The following GLIS3 variants were observed in gnomAD, a reference collection of about 807,000 sequenced individuals.
The protein encoded by GLIS3 is GLIS family zinc finger 3.
Under a neutral mutation model 78.6 loss-of-function variants are expected in GLIS3, and 53 were observed. That is an observed-to-expected ratio of 0.67 (90% CI 0.54 to 0.85). The LOEUF (loss-of-function observed/expected upper bound fraction) is 0.85, where lower values mean the gene tolerates loss of function less well. Among genes scored for constraint, GLIS3 ranks in the 40% least tolerant of loss-of-function variants. GLIS3 has a pLI of 0.00. For missense variants in GLIS3, 1,703 were observed against 1,231.1 expected (o/e 1.38, Z -5.74); for synonymous variants, 684 against 509.9 (o/e 1.34, Z -4.60).
chr9:4,204,948 T>C (rs1586970674), intron 2 of GLIS3, among the ~76,000 whole-genome samples: 1 of 150,080 alleles, frequency 6.7e-6, no homozygotes, highest in Non-Finnish European at 1.5e-5. Context: ...GAGGCCGAGG[T>C]GGGCAAATCA....
At chr9:4,478,295 T>C in the GLIS3 span, among the ~76,000 whole-genome samples, 1 of 152,124 alleles carries the variant, frequency 6.6e-6, no homozygotes, top group African/African-American at 2.4e-5. Context: ...TATAAATCCA[T>C]GTGTTTGTAC....
At chr9:4,185,924 TG>T (rs1269041499) in intron 2 of GLIS3, among the ~76,000 whole-genome samples, 47 of 152,006 alleles carry the variant, frequency 3.1e-4, no homozygotes, top group Admixed American at 2.6e-3. Context: ...AGGTGGAAAA[TG>T]GAAGGACAGT....
chr9:3,850,920 T>C lies in GLIS3; in HGVS notation c.2473+5089A>G, dbSNP rs149179692. ...TTATCTTCAAAACCCTCTTCAAGTA[T>C]CACTTCTACAGACCCTTCTTTGACA... On this transcript the variant is annotated intron_variant, in intron 9 of 10. Coordinates refer to ENST00000381971, the MANE Select transcript of GLIS3 (RefSeq NM_001042413.2). 1.8e-4 allele frequency among the ~76,000 whole-genome samples: 27 copies of C among 152,372 alleles called. 1 individual carries two copies. The East Asian group carries it at 5.0e-3, about 28-fold the overall frequency.
chr9:3,856,426 TCA>T (rs1819796320), intron 8 of GLIS3, among the ~76,000 whole-genome samples: 1 of 152,206 alleles, frequency 6.6e-6, no homozygotes, highest in South Asian at 2.1e-4. Flanking sequence ...GAAAACCTAC[TCA>T]CAGTTTGGGT....
intron 2 of GLIS3, among the ~76,000 whole-genome samples, chr9:4,158,409 C>G (rs1293061841): frequency 2.0e-5 from 3 of 152,110 alleles, no homozygotes; most frequent in African/African-American, 7.2e-5. Flanking sequence ...TCACTGAATA[C>G]CACGATGAAG....
At chr9:3,940,158 A>T (rs116141786) in intron 4 of GLIS3, among the ~76,000 whole-genome samples, 1 of 152,248 alleles carries the variant, frequency 6.6e-6, no homozygotes, top group Non-Finnish European at 1.5e-5. Context: ...GTTCAATTAA[A>T]TGCAAATGCA....
In GLIS3 at chr9:3,838,559, A is replaced by G. The variant is rs12685433; in HGVS notation, c.2474-9067T>C. ...AAAGACAACAGCAAGTATAAGAAGA[A>G]TCCCTGCTAAAAATACGCTTCCACA... On this transcript the variant is annotated intron_variant, in intron 9 of 10. Coordinates refer to ENST00000381971, the MANE Select transcript of GLIS3 (RefSeq NM_001042413.2). Among the ~76,000 whole-genome samples, 150 of 152,264 alleles carry G rather than the reference A, an allele frequency of 9.9e-4. 2 individuals are homozygous for G. In the East Asian group the frequency reaches 0.026, roughly 27 times the overall value.
chr9:4,332,923 T>C (rs953328620), intron 2 of GLIS3, among the ~76,000 whole-genome samples: 1 of 152,240 alleles, frequency 6.6e-6, no homozygotes, highest in African/African-American at 2.4e-5. Context: ...TCTTTATTAT[T>C]GTGACTAACA....
chr9:4,464,887 G>T, the GLIS3 span, among the ~76,000 whole-genome samples: 1 of 152,194 alleles, frequency 6.6e-6, no homozygotes, highest in South Asian at 2.1e-4. Flanking sequence ...AGACACATGT[G>T]AATATGAGAA....
At chr9:4,356,103 G>A in the GLIS3 span, among the ~76,000 whole-genome samples, 4 of 152,134 alleles carry the variant, frequency 2.6e-5, no homozygotes, top group Admixed American at 2.0e-4. Flanking sequence ...AATCCAAGTC[G>A]ACTCTCTTTG....
At chr9:4,449,651 T>C in the GLIS3 span, among the ~76,000 whole-genome samples, 1 of 152,204 alleles carries the variant, frequency 6.6e-6, no homozygotes, top group Non-Finnish European at 1.5e-5. Flanking sequence ...TTATTTACTG[T>C]TCTGCAATAT....
intron 2 of GLIS3, among the ~76,000 whole-genome samples, chr9:4,337,135 T>G (rs182572003): frequency 1.3e-5 from 2 of 152,362 alleles, no homozygotes; most frequent in African/African-American, 4.8e-5. Context: ...TGGTACAACT[T>G]TTCCCGAAAG....
At chr9:4,466,317 T>A in the GLIS3 span, among the ~76,000 whole-genome samples, 1 of 152,200 alleles carries the variant, frequency 6.6e-6, no homozygotes, top group South Asian at 2.1e-4. Context: ...AGTTGACAGC[T>A]TTCCACAAAG....
intron 6 of GLIS3, among the ~76,000 whole-genome samples, chr9:3,923,956 A>G (rs866586947): frequency 1.3e-5 from 2 of 152,236 alleles, no homozygotes; most frequent in Non-Finnish European, 2.9e-5. Flanking sequence ...CTCTCCCCAG[A>G]AAAATACATT....
At chr9:4,165,907 G>C (rs897096918) in intron 2 of GLIS3, among the ~76,000 whole-genome samples, 3 of 152,190 alleles carry the variant, frequency 2.0e-5, no homozygotes, top group African/African-American at 7.2e-5. Context: ...CAGGAAAAAA[G>C]GAATCTGCAA....
chr9:4,080,040 A>G (rs1047169257), intron 4 of GLIS3, among the ~76,000 whole-genome samples: 3 of 152,242 alleles, frequency 2.0e-5, no homozygotes, highest in Non-Finnish European at 4.4e-5. Context: ...ATCCATTTGG[A>G]AAATGCTATT....
intron 10 of GLIS3, 55 bp downstream of exon 10, chr9:3,829,255 C>T: frequency 6.5e-7 from 1 of 1,549,474 alleles, no homozygotes; most frequent in Non-Finnish European, 8.9e-7. Context: ...GGGCAGCCCA[C>T]CTGGTCTCTC....
intron 8 of GLIS3, among the ~76,000 whole-genome samples, chr9:3,858,647 T>G (rs1819951250): frequency 6.6e-6 from 1 of 152,136 alleles, no homozygotes; most frequent in African/African-American, 2.4e-5. Context: ...TTAATAGAAA[T>G]TTAAATATAA....
chr9:4,070,634 C>T (rs1827516678), intron 4 of GLIS3, among the ~76,000 whole-genome samples: 2 of 152,194 alleles, frequency 1.3e-5, no homozygotes, highest in South Asian at 4.2e-4. Context: ...GTAAGCTGTA[C>T]ATATTTCTCT....
Sources: gnomAD v4.1 joint callset for allele counts (sites outside exome capture counted in the v4.1 genomes callset) on GRCh38, gnomAD v4.1.1 for gene constraint, MANE v1.5 for transcripts, NCBI Gene and HGNC (gene_info 2026-07-23, HGNC 2026-07-21) for gene names.